The following ABR variants were observed in gnomAD, a reference collection of about 807,000 sequenced individuals.
The protein encoded by ABR is active breakpoint cluster region-related protein.
In ABR, 35 loss-of-function variants were observed where a neutral mutation model predicts 107.2. That is an observed-to-expected ratio of 0.33 (90% CI 0.25 to 0.43). The LOEUF (loss-of-function observed/expected upper bound fraction) is 0.43. Ranked by LOEUF, ABR falls within the 20% of genes least tolerant of loss-of-function variation. ABR has a pLI of 1.00. For synonymous variants in ABR, 498 were observed against 462.0 expected (o/e 1.08, Z -1.00); for missense variants, 815 against 1,115.2 (o/e 0.73, Z 3.83).
chr17:1,041,263 C>A (rs1047516759), intron 16 of ABR, among the ~76,000 whole-genome samples: 2 of 152,180 alleles, frequency 1.3e-5, no homozygotes, highest in Non-Finnish European at 2.9e-5. Flanking sequence ...CCTGGTCATT[C>A]TTTGTACCCA....
At chr17:1,112,250 C>G (rs2038717069) in intron 2 of ABR, among the ~76,000 whole-genome samples, 1 of 152,224 alleles carries the variant, frequency 6.6e-6, no homozygotes, top group Admixed American at 6.5e-5. Flanking sequence ...GGCTCTCGAT[C>G]CGTCTGGGGT....
At chr17:1,156,070 TG>T (rs771720458) in intron 1 of ABR, 1 of 150,368 alleles carries the variant, frequency 6.7e-6, no homozygotes, top group Non-Finnish European at 1.5e-5. Context: ...GGTACCCAGG[TG>T]GCCCCAGGTT....
In ABR at chr17:1,094,227, C is replaced by T. The variant is rs567040132; in HGVS notation, c.346-2377G>A. 2.0e-5 allele frequency among the ~76,000 whole-genome samples: 3 copies of T among 152,330 alleles called. No homozygotes were observed. The East Asian group carries it at 5.8e-4, about 29-fold the overall frequency. On this transcript the variant is annotated intron_variant, in intron 3 of 22. Transcript: ENST00000302538. Reference sequence around the variant, plus strand: ...CAGGCCAGGCAGGGTGGGCTTGAGTCGCAGCTCTGCTGTGCGCACATCACT... The same window carrying T: ...CAGGCCAGGCAGGGTGGGCTTGAGTTGCAGCTCTGCTGTGCGCACATCACT...
At chr17:1,025,235 G>A (rs949803858) in intron 16 of ABR, among the ~76,000 whole-genome samples, 18 of 152,058 alleles carry the variant, frequency 1.2e-4, no homozygotes, top group Non-Finnish European at 2.4e-4. Flanking sequence ...GGCGGAGGCT[G>A]CAGCGAGCCG....
intron 16 of ABR, among the ~76,000 whole-genome samples, chr17:1,047,223 T>C (rs1050237572): frequency 6.6e-6 from 1 of 152,266 alleles, no homozygotes; most frequent in Non-Finnish European, 1.5e-5. Flanking sequence ...CCTCCGACTA[T>C]GTCCTCAGCG....
rs971699031 is a variant in ABR at position 1,179,498 on chromosome 17, C to T, written c.61+169G>A. Among the ~76,000 whole-genome samples the T allele has an allele frequency of 6.6e-5, 10 of 151,742 alleles. No individual in the cohort carries two copies. The highest frequency in any genetic ancestry group is 9.7e-5 in the African/African-American group (4 of 41,328). On this transcript the variant is annotated intron_variant, in intron 1 of 22. Coordinates refer to ENST00000302538, the MANE Select transcript of ABR (RefSeq NM_021962.5). This position sits in a 1 kb window ranked among gnomAD's most constrained non-coding sequence, Gnocchi z 4.9. ...CCGACCCCGATCCCGATTCCCAACCCGACCCCGATCCGGACCCCGATCTCG... is the reference window on the plus strand; with the variant it reads ...CCGACCCCGATCCCGATTCCCAACCTGACCCCGATCCGGACCCCGATCTCG...
chr17:1,146,814 C>A (rs938533196), intron 1 of ABR, among the ~76,000 whole-genome samples: 1 of 147,850 alleles, frequency 6.8e-6, no homozygotes, highest in Non-Finnish European at 1.5e-5. Context: ...TGCCACCAGG[C>A]CACCACTGCC....
At chr17:1,020,619 G>A (rs578029561) in intron 16 of ABR, among the ~76,000 whole-genome samples, 2 of 152,304 alleles carry the variant, frequency 1.3e-5, no homozygotes, top group East Asian at 3.9e-4. Context: ...TCCCGTAGGT[G>A]GCTGGTGGAG....
At chr17:1,173,102 C>G (rs2041789507) in intron 1 of ABR, among the ~76,000 whole-genome samples, 1 of 70,382 alleles carries the variant, frequency 1.4e-5, no homozygotes, top group African/African-American at 5.2e-5. Flanking sequence ...TCATCTCAGC[C>G]CACCCAACAC....
intron 16 of ABR, among the ~76,000 whole-genome samples, chr17:1,028,216 T>G (rs9913567): frequency 0.27 from 40,630 of 151,208 alleles, 5,690 homozygotes; most frequent in East Asian, 0.35. Flanking sequence ...TCAGCCTCCC[T>G]AGCAGCTGGG....
In ABR at chr17:1,064,331, T is replaced by C. The variant is rs1421861940; in HGVS notation, c.1182+2746A>G. Among the ~76,000 whole-genome samples the C allele has an allele frequency of 1.1e-3, 114 of 101,998 alleles. 14 individuals carry two copies. Among genetic ancestry groups the C allele is most frequent in the Non-Finnish European group, 1.9e-3 (89 of 47,338 alleles). 66.9% of individuals were successfully genotyped at this position (101,998 alleles called of 152,430 possible). ...CATGTTCCTCCAGACGCTGTTGTTA[T>C]GTGAACTGAGGGCTATGCATGTTCC... On this transcript the variant is annotated intron_variant, in intron 10 of 22. Transcript: ENST00000302538.
chr17:1,182,609 G>A (rs1421946259), upstream of ABR, among the ~76,000 whole-genome samples: 2 of 152,026 alleles, frequency 1.3e-5, no homozygotes, highest in South Asian at 2.1e-4. Context: ...CTCGTGATCC[G>A]CCCGCCTCGG....
At chr17:1,152,056 A>G (rs1432076833) in intron 1 of ABR, among the ~76,000 whole-genome samples, 21 of 139,294 alleles carry the variant, frequency 1.5e-4, no homozygotes, top group African/African-American at 4.6e-4. Flanking sequence ...TTGGGAGGCC[A>G]AAGCAGGTGG....
In ABR at chr17:1,045,405, TCTTCTTACAGCAGGACAATCTTCC is replaced by T. The variant is rs1226539351; in HGVS notation, c.1791+4621_1791+4644del. 2.4e-4 allele frequency among the ~76,000 whole-genome samples: 37 copies of T among 151,418 alleles called. 1 individual carries two copies. The South Asian group carries it at 2.5e-3, about 10-fold the overall frequency. ...CTTCTTACAGCAGGACAATCTTCCG[TCTTCTTACAGCAGGACAATCTTCC>T]GTCTTCTTACAGCAGGACAATCTTC... On this transcript the variant is annotated intron_variant, in intron 16 of 22. Coordinates refer to ENST00000302538, the MANE Select transcript of ABR (RefSeq NM_021962.5).
chr17:1,212,676 G>T (rs564921419), intron 1 of ABR, among the ~76,000 whole-genome samples: 1 of 152,314 alleles, frequency 6.6e-6, no homozygotes, highest in Non-Finnish European at 1.5e-5. Flanking sequence ...GATCACCTGA[G>T]GTCGGGAGTT....
intron 16 of ABR, among the ~76,000 whole-genome samples, chr17:1,026,869 G>A (rs539317478): frequency 7.9e-4 from 121 of 152,322 alleles, no homozygotes; most frequent in African/African-American, 2.8e-3. Flanking sequence ...CAGCACCAGC[G>A]CCCTGTGGCC....
intron 6 of ABR, 118 bp from the exon 7 acceptor site, chr17:1,073,795 A>T (rs574906815): frequency 1.1e-6 from 1 of 884,838 alleles, no homozygotes; most frequent in Admixed American, 2.7e-5. Flanking sequence ...CCCTCGAGGG[A>T]CACCAGAGTG....
chr17:1,031,848 GCCTCCCTC>G, intron 16 of ABR: 1 of 927,454 alleles, frequency 1.1e-6, no homozygotes, highest in Non-Finnish European at 1.3e-6. Flanking sequence ...CCCCGCGCTC[GCCTCCCTC>G]CCTCCCTCCC....
intron 1 of ABR, among the ~76,000 whole-genome samples, chr17:1,201,732 G>A (rs2042675452): frequency 6.6e-6 from 1 of 151,794 alleles, no homozygotes. Flanking sequence ...CTGGTGTGCA[G>A]TGGCGTGATC....
Sources: allele counts gnomAD v4.1 joint callset (sites outside exome capture counted in the v4.1 genomes callset), GRCh38; gene constraint gnomAD v4.1.1; non-coding constraint Gnocchi (gnomAD v3.1); transcripts MANE v1.5; gene names NCBI Gene and HGNC (gene_info 2026-07-23, HGNC 2026-07-21).